Variants in GRID2 observed in about 807,000 individuals in gnomAD.
The protein encoded by GRID2 is glutamate receptor ionotropic, delta-2.
GRID2 carries 33 observed loss-of-function variants against 114.8 expected under a neutral mutation model. The ratio of observed to expected loss-of-function variants is 0.29; its 90% CI spans 0.22 to 0.38. The LOEUF is 0.38. Ranked by LOEUF, GRID2 falls within the 10% of genes least tolerant of loss-of-function variation. The pLI, the probability that GRID2 is intolerant of heterozygous loss-of-function variation, is 1.00. For synonymous variants in GRID2, 505 were observed against 449.9 expected, an observed-to-expected ratio of 1.12 and a Z score of -1.55; for missense variants, 1,184 against 1,257.7, an observed-to-expected ratio of 0.94 and a Z score of 0.89.
In GRID2 at chr4:93,220,248, A is replaced by G. The variant is rs551822136; in HGVS notation, c.963+3337A>G. On this transcript the variant is annotated intron_variant, in intron 6 of 15. Transcript: ENST00000282020. ...AAACTAAGCCTTTATTTATATATAT[A>G]TATATTTTTTTAGATTGGGAGAATG... Among the ~76,000 whole-genome samples, 792 of 151,940 alleles carry G rather than the reference A, an allele frequency of 5.2e-3. 7 individuals are homozygous for G. The highest frequency in any genetic ancestry group is 7.1e-3 in the Non-Finnish European group (483 of 67,952).
chr4:93,218,786 C>T (rs1252359456), intron 6 of GRID2, among the ~76,000 whole-genome samples: 1 of 152,100 alleles, frequency 6.6e-6, no homozygotes, highest in Non-Finnish European at 1.5e-5. Flanking sequence ...CTCACAGTTC[C>T]TCAGGGCAGG....
chr4:93,270,168 C>T (rs903830033), intron 8 of GRID2, among the ~76,000 whole-genome samples: 10 of 150,588 alleles, frequency 6.6e-5, no homozygotes, highest in African/African-American at 2.4e-4. Context: ...AGTAACTATA[C>T]CAAAGCAGAT....
At chr4:93,098,989 C>CTCTG (rs1553986877) in intron 3 of GRID2, among the ~76,000 whole-genome samples, 115 of 138,982 alleles carry the variant, frequency 8.3e-4, no homozygotes, top group African/African-American at 3.0e-3. Flanking sequence ...AGATCATTTC[C>CTCTG]TGTGTGTGTG....
intron 1 of GRID2, among the ~76,000 whole-genome samples, chr4:92,390,975 C>A (rs1435612741): frequency 1.3e-5 from 2 of 152,092 alleles, no homozygotes; most frequent in East Asian, 3.9e-4. Flanking sequence ...TGAAATCAAA[C>A]CAGAGATTAT....
At chr4:93,344,674 ATAT>A (rs1452651281) in intron 8 of GRID2, among the ~76,000 whole-genome samples, 1 of 148,624 alleles carries the variant, frequency 6.7e-6, no homozygotes, top group Admixed American at 6.8e-5. Flanking sequence ...TTTTTATAAT[ATAT>A]TATTATTAAC....
chr4:93,000,978 A>G (rs1720918829), intron 2 of GRID2, among the ~76,000 whole-genome samples: 1 of 151,676 alleles, frequency 6.6e-6, no homozygotes, highest in South Asian at 2.1e-4. Context: ...GAGAGAAGCA[A>G]AAAAGTAATA....
chr4:93,365,406 A>G (rs1417416245), intron 8 of GRID2, among the ~76,000 whole-genome samples: 1 of 152,198 alleles, frequency 6.6e-6, no homozygotes, highest in Non-Finnish European at 1.5e-5. Context: ...TTTACCATGC[A>G]TAGTAGGTAT....
chr4:93,555,380 A>G (rs1244891868), intron 13 of GRID2, among the ~76,000 whole-genome samples: 1 of 152,174 alleles, frequency 6.6e-6, no homozygotes, highest in Non-Finnish European at 1.5e-5. Context: ...TGCTGCCAGC[A>G]CAGAAGTCTC....
chr4:93,461,444 CA>C (rs1439551993), intron 11 of GRID2, among the ~76,000 whole-genome samples: 2 of 152,022 alleles, frequency 1.3e-5, no homozygotes, highest in Non-Finnish European at 2.9e-5. Context: ...AGAGGAAGTA[CA>C]GCTGTTATTT....
At chr4:93,674,180 C>A (rs1402522909) in intron 14 of GRID2, among the ~76,000 whole-genome samples, 1 of 152,138 alleles carries the variant, frequency 6.6e-6, no homozygotes, top group Non-Finnish European at 1.5e-5. Context: ...CAAATTATAT[C>A]TACCTTAACT....
At chr4:93,135,121 C>T (rs1735127778) in intron 4 of GRID2, among the ~76,000 whole-genome samples, 1 of 152,144 alleles carries the variant, frequency 6.6e-6, no homozygotes, top group Non-Finnish European at 1.5e-5. Flanking sequence ...TTTGTATTCA[C>T]TTGACCTAGT....
At chr4:92,362,086 A>T (rs955785716) in intron 1 of GRID2, among the ~76,000 whole-genome samples, 4 of 152,048 alleles carry the variant, frequency 2.6e-5, no homozygotes, top group Non-Finnish European at 5.9e-5. Flanking sequence ...ACATACTCAG[A>T]CTGGTTTATT....
chr4:93,261,573 C>T (rs138653992), intron 8 of GRID2, among the ~76,000 whole-genome samples: 5 of 151,728 alleles, frequency 3.3e-5, no homozygotes, highest in African/African-American at 7.2e-5. Flanking sequence ...TAGAGAGATG[C>T]GTGGGCCTGG....
intron 2 of GRID2, among the ~76,000 whole-genome samples, chr4:92,997,228 T>C (rs890013757): frequency 2.0e-5 from 3 of 152,098 alleles, no homozygotes. Context: ...AAAGAGCTAG[T>C]GTGTTAGGAA....
At chr4:93,090,804 G>T (rs1440362615) in intron 3 of GRID2, among the ~76,000 whole-genome samples, 1 of 152,086 alleles carries the variant, frequency 6.6e-6, no homozygotes, top group Non-Finnish European at 1.5e-5. Flanking sequence ...AGTTGGTGGA[G>T]GGAAGGGTTA....
intron 2 of GRID2, among the ~76,000 whole-genome samples, chr4:92,726,900 G>A (rs1736095034): frequency 6.6e-6 from 1 of 151,628 alleles, no homozygotes; most frequent in Non-Finnish European, 1.5e-5. Context: ...AGATTTTACA[G>A]GAAAAAAAAT....
intron 1 of GRID2, among the ~76,000 whole-genome samples, chr4:92,567,841 C>A (rs541483087): frequency 7.9e-5 from 12 of 152,068 alleles, no homozygotes; most frequent in African/African-American, 2.4e-4. Context: ...ACCTAATATG[C>A]GATGAACACA....
chr4:93,808,791 G>T (rs954919835), exon 2 of GRID2: 2 of 152,178 alleles, frequency 1.3e-5, no homozygotes, highest in Admixed American at 6.6e-5. Context: ...GGAATCATCT[G>T]GGTTCTTTCT....
At chr4:93,533,431 T>C (rs999159464) in intron 13 of GRID2, among the ~76,000 whole-genome samples, 4 of 147,158 alleles carry the variant, frequency 2.7e-5, no homozygotes, top group African/African-American at 9.9e-5. Context: ...ACCCATGCAG[T>C]GGCATGATCT....
Sources: gnomAD v4.1 joint callset for allele counts (sites outside exome capture counted in the v4.1 genomes callset) on GRCh38, gnomAD v4.1.1 for gene constraint, MANE v1.5 for transcripts, NCBI Gene and HGNC (gene_info 2026-07-23, HGNC 2026-07-21) for gene names.